The following LRRC4C variants were observed in gnomAD, a reference collection of about 807,000 sequenced individuals.
LRRC4C encodes leucine rich repeat containing 4C.
Under a neutral mutation model 33.6 loss-of-function variants are expected in LRRC4C, and 5 were observed. The ratio of observed to expected loss-of-function variants is 0.15; its 90% CI spans 0.08 to 0.31. The LOEUF (loss-of-function observed/expected upper bound fraction) is 0.31. Among genes scored for constraint, LRRC4C ranks in the 10% least tolerant of loss-of-function variants. The probability of loss-of-function intolerance (pLI) is 1.00; values close to 1 mark genes in which losing one functional copy is unlikely to be tolerated. For missense variants in LRRC4C, 560 were observed against 796.7 expected (o/e 0.70, Z 3.58); for synonymous variants, 329 against 302.0 (o/e 1.09, Z -0.93).
chr11:41,210,323 T>G (rs1425635090), intron 1 of LRRC4C, among the ~76,000 whole-genome samples: 1 of 152,130 alleles, frequency 6.6e-6, no homozygotes, highest in East Asian at 1.9e-4. Context: ...GGGGCGGTTT[T>G]CCCCATACTG....
At chr11:40,913,411 C>T (rs1282321100) in intron 2 of LRRC4C, among the ~76,000 whole-genome samples, 1 of 152,170 alleles carries the variant, frequency 6.6e-6, no homozygotes, top group Admixed American at 6.5e-5. Context: ...AACCACTCAA[C>T]TACATGGAAA....
intron 2 of LRRC4C, among the ~76,000 whole-genome samples, chr11:40,882,675 C>T (rs973788373): frequency 6.6e-6 from 1 of 152,056 alleles, no homozygotes; most frequent in South Asian, 2.1e-4. Flanking sequence ...CTCTGTCCTC[C>T]TTTAAAATGT....
chr11:40,707,469 A>G (rs1946227247), intron 2 of LRRC4C, among the ~76,000 whole-genome samples: 1 of 152,138 alleles, frequency 6.6e-6, no homozygotes, highest in South Asian at 2.1e-4. Context: ...TGAGATAATC[A>G]TGTGGTTTTT....
At chr11:41,222,041 A>C (rs1947330680) in intron 1 of LRRC4C, among the ~76,000 whole-genome samples, 1 of 152,330 alleles carries the variant, frequency 6.6e-6, no homozygotes, top group East Asian at 1.9e-4. Context: ...CTAAGGGAGC[A>C]GAGAGTAGAA....
At chr11:41,281,278 A>T (rs1949671029) in intron 1 of LRRC4C, among the ~76,000 whole-genome samples, 1 of 152,108 alleles carries the variant, frequency 6.6e-6, no homozygotes. Flanking sequence ...AATAGAAATG[A>T]GATAGTAAAT....
intron 3 of LRRC4C, among the ~76,000 whole-genome samples, chr11:40,609,997 C>T (rs1400339982): frequency 1.3e-5 from 2 of 151,800 alleles, no homozygotes; most frequent in African/African-American, 2.4e-5. Context: ...TCCTTAAATT[C>T]GTCCAAAAAA....
intron 1 of LRRC4C, among the ~76,000 whole-genome samples, chr11:41,389,111 A>C (rs1403527554): frequency 1.3e-5 from 2 of 151,868 alleles, no homozygotes; most frequent in Non-Finnish European, 2.9e-5. Context: ...GAGATAATTG[A>C]ATTCTCTTTA....
chr11:40,750,251 T>C (rs1948615760), intron 2 of LRRC4C, among the ~76,000 whole-genome samples: 1 of 151,910 alleles, frequency 6.6e-6, no homozygotes, highest in Non-Finnish European at 1.5e-5. Context: ...CAGGACCAGA[T>C]GGGCACAGCT....
intron 1 of LRRC4C, among the ~76,000 whole-genome samples, chr11:41,303,170 G>T (rs1015145268): frequency 7.1e-6 from 1 of 141,576 alleles, no homozygotes; most frequent in African/African-American, 2.6e-5. Context: ...CTGTACTGCT[G>T]CCATCTCGGC....
At chr11:40,691,931 G>C (rs559004421) in intron 2 of LRRC4C, among the ~76,000 whole-genome samples, 16 of 152,094 alleles carry the variant, frequency 1.1e-4, no homozygotes, top group Admixed American at 3.3e-4. Context: ...TTTCATCACT[G>C]TCTCCACAGA....
At chr11:40,592,321 G>C (rs955113187) in intron 3 of LRRC4C, among the ~76,000 whole-genome samples, 1 of 152,176 alleles carries the variant, frequency 6.6e-6, no homozygotes, top group African/African-American at 2.4e-5. Flanking sequence ...CATGCTGTGA[G>C]CATCATAATC....
intron 1 of LRRC4C, among the ~76,000 whole-genome samples, chr11:41,408,609 A>T (rs1164370470): frequency 6.6e-6 from 1 of 152,116 alleles, no homozygotes; most frequent in Non-Finnish European, 1.5e-5. Flanking sequence ...CCAATTTATG[A>T]TGTTAAAAAT....
At chr11:40,821,851 T>A (rs997786970) in intron 2 of LRRC4C, among the ~76,000 whole-genome samples, 1 of 151,462 alleles carries the variant, frequency 6.6e-6, no homozygotes, top group African/African-American at 2.4e-5. Context: ...AAGACTGGAG[T>A]TTAGTGAATA....
intron 1 of LRRC4C, among the ~76,000 whole-genome samples, chr11:41,076,287 A>G (rs1306108760): frequency 2.0e-5 from 3 of 152,218 alleles, no homozygotes. Flanking sequence ...GCCTTTTCAT[A>G]GCAGTGTCCA....
At chr11:41,364,361 C>A (rs763156355) in intron 1 of LRRC4C, among the ~76,000 whole-genome samples, 5 of 152,172 alleles carry the variant, frequency 3.3e-5, no homozygotes, top group Admixed American at 6.5e-5. Flanking sequence ...TCACTCCAAC[C>A]TCCATCTCCC....
At chr11:41,032,673 T>A (rs1856798874) in intron 1 of LRRC4C, among the ~76,000 whole-genome samples, 1 of 151,894 alleles carries the variant, frequency 6.6e-6, no homozygotes, top group Middle Eastern at 3.2e-3. Context: ...CAGTTATTAT[T>A]ATTCAATAGA....
chr11:40,395,790 T>G (rs1188627336), intron 3 of LRRC4C, among the ~76,000 whole-genome samples: 2 of 152,060 alleles, frequency 1.3e-5, no homozygotes, highest in Non-Finnish European at 2.9e-5. Context: ...AGTTCAATAC[T>G]AGCCTGGCCA....
chr11:40,362,099 T>C (rs1406638389), intron 3 of LRRC4C, among the ~76,000 whole-genome samples: 1 of 152,126 alleles, frequency 6.6e-6, no homozygotes, highest in African/African-American at 2.4e-5. Context: ...TTACACTCTA[T>C]ACACAAATTA....
At chr11:40,414,303 A>T (rs1258431915) in intron 3 of LRRC4C, among the ~76,000 whole-genome samples, 1 of 152,046 alleles carries the variant, frequency 6.6e-6, no homozygotes, top group Non-Finnish European at 1.5e-5. Context: ...GAGATTACAG[A>T]TTTTGCTGAA....
Sources: gnomAD v4.1 joint callset for allele counts (sites outside exome capture counted in the v4.1 genomes callset) on GRCh38, gnomAD v4.1.1 for gene constraint, MANE v1.5 for transcripts, NCBI Gene and HGNC (gene_info 2026-07-23, HGNC 2026-07-21) for gene names.